The following TBCD variants were observed in gnomAD, a reference collection of about 807,000 sequenced individuals.
TBCD encodes tubulin-specific chaperone D.
A neutral mutation model predicts 169.3 loss-of-function variants in TBCD; 105 were observed. The observed-to-expected ratio is 0.62, with a 90% CI of 0.53 to 0.73. The LOEUF (loss-of-function observed/expected upper bound fraction) is 0.73, where lower values mean the gene tolerates loss of function less well. Ranked by LOEUF, TBCD falls within the 30% of genes least tolerant of loss-of-function variation. The pLI is 0.00. For missense variants in TBCD, 1,444 were observed against 1,600.1 expected, an observed-to-expected ratio of 0.90 and a Z score of 1.66; for synonymous variants, 700 against 643.9, an observed-to-expected ratio of 1.09 and a Z score of -1.32.
Position 82,850,069 on chromosome 17 carries a change from TTGGCTGTGCTGTG to T in TBCD, c.1319-20154_1319-20142del, listed in dbSNP as rs1392418777. Among the ~76,000 whole-genome samples the T allele has an allele frequency of 1.1e-3, 93 of 87,298 alleles. 3 individuals are homozygous for T. Among genetic ancestry groups the T allele is most frequent in the African/African-American group, 1.6e-3 (33 of 20,184 alleles). The allele number at this position is 87,298 out of a possible 152,430, so 57.3% of individuals were successfully genotyped here. A position where few individuals can be genotyped will look rare whatever the true frequency, so the allele number is the denominator to read the frequency against. On this transcript the variant is annotated intron_variant, in intron 13 of 38. Transcript: ENST00000355528. ...TGTGCTGTTGTTGGCTGTGCTGCTG[TTGGCTGTGCTGTG>T]CTGCTGTTGGCTGTGCTGCTGTTGG...
At chr17:82,855,468 A>G (rs1174763018) in intron 13 of TBCD, among the ~76,000 whole-genome samples, 5 of 151,216 alleles carry the variant, frequency 3.3e-5, no homozygotes, top group East Asian at 3.9e-4. Flanking sequence ...GGATCTCACT[A>G]TGTTGCCCAG....
At chr17:82,801,898 G>A (rs919211660) in intron 9 of TBCD, among the ~76,000 whole-genome samples, 37 of 148,626 alleles carry the variant, frequency 2.5e-4, no homozygotes, top group Non-Finnish European at 8.9e-5. Context: ...CGGAGTCAGC[G>A]TGGCAGGAGG....
chr17:82,909,807 G>A (rs1180946392), intron 22 of TBCD, among the ~76,000 whole-genome samples: 1 of 152,250 alleles, frequency 6.6e-6, no homozygotes, highest in East Asian at 1.9e-4. Context: ...CTGGTCATAG[G>A]CAGGGGTGTG....
rs967474913 is a variant in TBCD, at chr17:82,796,998, A to T, written c.772-759A>T. ...TGAGACAGATGCAGTTCTCACCTTGACTGTGAAATTCTGTTTTCTGAAGGA... is the reference window on the plus strand; with the variant it reads ...TGAGACAGATGCAGTTCTCACCTTGTCTGTGAAATTCTGTTTTCTGAAGGA... On this transcript the variant is annotated intron_variant, in intron 7 of 38. Transcript: ENST00000355528. Among the ~76,000 whole-genome samples the T allele has an allele frequency of 2.0e-5, 3 of 152,164 alleles. No homozygotes were observed. In the South Asian group the frequency reaches 6.2e-4, roughly 32 times the overall value.
chr17:82,812,195 G>A (rs900243141), intron 12 of TBCD, among the ~76,000 whole-genome samples: 2 of 152,088 alleles, frequency 1.3e-5, no homozygotes. Context: ...GGTTTCTCCC[G>A]TGAGCAAACC....
intron 7 of TBCD, among the ~76,000 whole-genome samples, chr17:82,790,939 CA>C (rs1156590382): frequency 6.6e-6 from 1 of 152,056 alleles, no homozygotes; most frequent in Non-Finnish European, 1.5e-5. Context: ...CAGGTCCCTG[CA>C]AAGCCACTGC....
chr17:82,896,866 G>A (rs1036644654), intron 17 of TBCD, among the ~76,000 whole-genome samples: 4 of 151,902 alleles, frequency 2.6e-5, no homozygotes, highest in African/African-American at 7.3e-5. Context: ...CCTTGCCGGC[G>A]CTGGGGGTGT....
At chr17:82,804,453 G>A (rs1423870147) in intron 9 of TBCD, among the ~76,000 whole-genome samples, 2 of 152,164 alleles carry the variant, frequency 1.3e-5, no homozygotes, top group East Asian at 1.9e-4. Flanking sequence ...GAATCTTGAC[G>A]TGGCTCAGCT....
At chr17:82,933,485 C>T (rs1226042525) in intron 34 of TBCD, among the ~76,000 whole-genome samples, 8 of 151,968 alleles carry the variant, frequency 5.3e-5, no homozygotes, top group Admixed American at 5.2e-4. Context: ...AACTCCTGGC[C>T]CCAAGTGCCT....
At chr17:82,882,453 T>C (rs2058422826) in intron 14 of TBCD, among the ~76,000 whole-genome samples, 1 of 152,118 alleles carries the variant, frequency 6.6e-6, no homozygotes, top group African/African-American at 2.4e-5. Context: ...CTCTGATAAA[T>C]GCCCCCGAGT....
At chr17:82,830,758 T>G (rs1490343409) in intron 13 of TBCD, 1 of 1,613,800 alleles carries the variant, frequency 6.2e-7, no homozygotes, top group Non-Finnish European at 8.5e-7. Flanking sequence ...TATCTCTGAT[T>G]TCTTGGAGAG....
intron 2 of TBCD, among the ~76,000 whole-genome samples, chr17:82,757,539 G>A (rs555108442): frequency 2.6e-5 from 4 of 151,522 alleles, no homozygotes; most frequent in Non-Finnish European, 5.9e-5. Context: ...GGAGAATGGC[G>A]TGAACCCGGG....
At chr17:82,881,111 C>T (rs769145793) in intron 14 of TBCD, among the ~76,000 whole-genome samples, 36 of 152,056 alleles carry the variant, frequency 2.4e-4, no homozygotes, top group Admixed American at 9.2e-4. Context: ...TGGTTCCTGG[C>T]GTCTGTTTGC....
intron 22 of TBCD, among the ~76,000 whole-genome samples, chr17:82,910,808 C>T (rs111873142): frequency 0.032 from 4,930 of 152,276 alleles, 89 homozygotes; most frequent in Non-Finnish European, 0.048. Flanking sequence ...TGAAGCGATC[C>T]GCCCGCCTCG....
chr17:82,838,828 C>T (rs2054207360), intron 13 of TBCD: 1 of 985,416 alleles, frequency 1.0e-6, no homozygotes. Context: ...GAGTTACAGA[C>T]CTGAGCTCGT....
intron 9 of TBCD, among the ~76,000 whole-genome samples, chr17:82,801,443 G>A (rs1299913620): frequency 1.3e-5 from 2 of 152,012 alleles, no homozygotes; most frequent in African/African-American, 2.4e-5. Flanking sequence ...CGTGTGCGTC[G>A]TGTGGCTCGG....
In TBCD at chr17:82,780,805, C is replaced by T. The variant is rs79937634; in HGVS notation, c.639-784C>T. Among the ~76,000 whole-genome samples, 1,447 of 151,926 alleles carry T rather than the reference C, an allele frequency of 9.5e-3. 18 individuals are homozygous for T. Among genetic ancestry groups the T allele is most frequent in the African/African-American group, 0.032 (1,337 of 41,492 alleles). Reference sequence around the variant, plus strand: ...GATTACAGGCGCACAGCACCACACCCGGCTAATTTTTTGTGTATTTTTAAT... The same window carrying T: ...GATTACAGGCGCACAGCACCACACCTGGCTAATTTTTTGTGTATTTTTAAT... On this transcript the variant is annotated intron_variant, in intron 6 of 38. Transcript: ENST00000355528.
rs190410415 is a variant in TBCD at position 82,854,967 on chromosome 17, T to C, written c.1319-15257T>C. Among the ~76,000 whole-genome samples the C allele has an allele frequency of 2.3e-3, 352 of 152,332 alleles. 1 individual carries two copies. Among genetic ancestry groups the C allele is most frequent in the Non-Finnish European group, 3.9e-3 (264 of 68,032 alleles). ...ATCATCTACGAAAGGCCACACCTCC[T>C]AACACCGTGCTCTTGGGAGTGAGGA... On this transcript the variant is annotated intron_variant, in intron 13 of 38. Coordinates refer to ENST00000355528, the MANE Select transcript of TBCD (RefSeq NM_005993.5).
In TBCD at chr17:82,833,146, G is replaced by A. The variant is rs2053665443; in HGVS notation, c.1318+18212G>A. ...GTGAAATACGAAGGGGTTTGTGGCT[G>A]TTTCCCCTTAACATGTACCCACAGT... On this transcript the variant is annotated intron_variant, in intron 13 of 38. Transcript: ENST00000355528. This position sits in a 1 kb window ranked among gnomAD's most constrained non-coding sequence, Gnocchi z 4.7. Among the ~76,000 whole-genome samples the A allele has an allele frequency of 6.6e-6, 1 of 152,062 alleles. No individual in the cohort carries two copies. Among genetic ancestry groups the A allele is most frequent in the Non-Finnish European group, 1.5e-5 (1 of 68,020 alleles).
Sources: gnomAD v4.1 joint callset for allele counts (sites outside exome capture counted in the v4.1 genomes callset) on GRCh38, gnomAD v4.1.1 for gene constraint, Gnocchi (gnomAD v3.1) non-coding constraint, MANE v1.5 for transcripts, NCBI Gene and HGNC (gene_info 2026-07-23, HGNC 2026-07-21) for gene names.